MOK: variants seen among roughly 807,000 people sequenced by gnomAD.
MOK encodes the protein MAPK/MAK/MRK overlapping kinase.
Under a neutral mutation model 54.2 loss-of-function variants are expected in MOK, and 59 were observed. The observed-to-expected ratio is 1.09, with a 90% confidence interval of 0.88 to 1.35. MOK has a LOEUF of 1.35. Ranked by LOEUF, MOK falls within the 40% of genes most tolerant of loss-of-function variation. The probability of loss-of-function intolerance (pLI) is 0.00; values close to 1 mark genes in which losing one functional copy is unlikely to be tolerated. For synonymous variants in MOK, 210 were observed against 202.7 expected, an observed-to-expected ratio of 1.04 and a Z score of -0.31; for missense variants, 517 against 526.2, an observed-to-expected ratio of 0.98 and a Z score of 0.17.
chr14:102,302,987 C>T (rs2072410369), intron 1 of MOK, among the ~76,000 whole-genome samples: 1 of 151,328 alleles, frequency 6.6e-6, no homozygotes, highest in Non-Finnish European at 1.5e-5. Context: ...CATGTTGAAA[C>T]CCCGTCTCTA....
intron 2 of MOK, among the ~76,000 whole-genome samples, chr14:102,274,236 T>A (rs2068643622): frequency 6.7e-6 from 1 of 148,506 alleles, no homozygotes; most frequent in Admixed American, 6.8e-5. Flanking sequence ...GGATTACAGG[T>A]GTGAGCCACC....
intron 2 of MOK, among the ~76,000 whole-genome samples, chr14:102,278,142 T>C (rs1199655865): frequency 2.0e-5 from 3 of 152,148 alleles, no homozygotes; most frequent in African/African-American, 7.2e-5. Context: ...ATACCAGACC[T>C]GTCTGCCAGC....
At chr14:102,239,853 C>T (rs1297374589) in intron 7 of MOK, among the ~76,000 whole-genome samples, 2 of 152,060 alleles carry the variant, frequency 1.3e-5, no homozygotes, top group East Asian at 3.9e-4. Context: ...GGCGACAGGG[C>T]AGGACTCTGT....
At position 102,251,739 on chromosome 14, in the gene MOK, C is replaced by T; in HGVS notation, c.411+17G>A. Reference sequence around the variant, plus strand: ...AGCTTTTATTCTGATACCCAGCTTTCATGTAAAAGCTCTTACCTTTATTAG... The same window carrying T: ...AGCTTTTATTCTGATACCCAGCTTTTATGTAAAAGCTCTTACCTTTATTAG... On this transcript the variant is annotated intron_variant, in intron 6 of 11. Transcript: ENST00000361847. The T allele has an allele frequency of 6.5e-7, 1 of 1,548,974 alleles. No homozygotes were observed. Among genetic ancestry groups the T allele is most frequent in the East Asian group, 2.2e-5 (1 of 44,514 alleles).
At position 102,285,513 on chromosome 14, in the gene MOK, C is replaced by T. The variant is rs114561563; in HGVS notation, c.8-1921G>A. On this transcript the variant is annotated intron_variant, in intron 1 of 11. Transcript: ENST00000361847. ...GGTACTCATTTTTCAGAAGTGATAA[C>T]GGTTATGTCAAAACACAAAAAATGT... Among the ~76,000 whole-genome samples the T allele has an allele frequency of 5.5e-3, 833 of 152,274 alleles. 6 individuals are homozygous for T. The highest frequency in any genetic ancestry group is 0.017 in the African/African-American group (719 of 41,558).
intron 2 of MOK, 179 bp downstream of exon 2, chr14:102,283,299 G>A (rs2069666671): frequency 2.1e-6 from 1 of 468,900 alleles, no homozygotes; most frequent in Non-Finnish European, 3.8e-6. Context: ...AGTAAGCCTG[G>A]ATATGAGTAA....
chr14:102,219,577 C>A (rs540678235), downstream of MOK, among the ~76,000 whole-genome samples: 3 of 152,270 alleles, frequency 2.0e-5, no homozygotes, highest in South Asian at 6.2e-4. Context: ...CCGGTTAACT[C>A]CTCTTAGAGA....
chr14:102,219,645 C>T (rs1827282141), downstream of MOK, among the ~76,000 whole-genome samples: 1 of 152,218 alleles, frequency 6.6e-6, no homozygotes, highest in Non-Finnish European at 1.5e-5. Context: ...GGTCAAGCAC[C>T]CTGGGGTCCT....
In MOK at chr14:102,305,042, C is replaced by T; in HGVS notation, c.-74G>A. On this transcript the variant is annotated 5_prime_UTR_variant, in exon 1 of 12. Coordinates refer to ENST00000361847, the MANE Select transcript of MOK (RefSeq NM_014226.3). ...AGAAAGAAGCAGGAAGGTTGTCCCC[C>T]TGCTTTCCACTTCCCTGAGGCGGGG... The T allele has an allele frequency of 1.3e-6, 2 of 1,539,718 alleles. No individual in the cohort carries two copies. The highest frequency in any genetic ancestry group is 1.4e-5 in the African/African-American group (1 of 73,782).
Position 102,257,991 on chromosome 14 carries a change from A to G in MOK, c.283+5555T>C, listed in dbSNP as rs560522464. Among the ~76,000 whole-genome samples the G allele has an allele frequency of 7.0e-3, 1,053 of 151,146 alleles. 18 individuals are homozygous for G. Among genetic ancestry groups the G allele is most frequent in the African/African-American group, 0.024 (1,001 of 40,882 alleles). On this transcript the variant is annotated intron_variant, in intron 4 of 11. Transcript: ENST00000361847. ...ACTCTGTCTCAAAAAAAAAAAAAAA[A>G]GAATACCTGTTTAGAACCACTTATA...
chr14:102,225,843 G>T (rs2064220144), downstream of MOK: 4 of 175,918 alleles, frequency 2.3e-5, no homozygotes. Context: ...GTCAAGGCTG[G>T]TCATGCCCTC....
chr14:102,234,827 T>G (rs1359555056), intron 7 of MOK: 1 of 152,220 alleles, frequency 6.6e-6, no homozygotes, highest in East Asian at 1.9e-4. Flanking sequence ...AGACAACTTT[T>G]GCCACCGCAG....
downstream of MOK, among the ~76,000 whole-genome samples, chr14:102,220,719 C>CAA (rs35097607): frequency 2.7e-5 from 3 of 111,714 alleles, no homozygotes; most frequent in South Asian, 2.9e-4. This position sits in a 1 kb window ranked among gnomAD's most constrained non-coding sequence, Gnocchi z 4.2. Flanking sequence ...GACTCCGTCT[C>CAA]AAAAAAAAAA....
At chr14:102,287,038 A>G (rs942380182) in intron 1 of MOK, among the ~76,000 whole-genome samples, 13 of 152,284 alleles carry the variant, frequency 8.5e-5, no homozygotes, top group African/African-American at 3.1e-4. Context: ...TATTTTCCAC[A>G]ATGTTGTTTT....
intron 2 of MOK, among the ~76,000 whole-genome samples, chr14:102,275,417 A>C (rs576121854): frequency 2.0e-5 from 3 of 152,164 alleles, no homozygotes; most frequent in African/African-American, 7.2e-5. Context: ...ACAAAAAATT[A>C]GCCGGGCGTG....
chr14:102,273,980 CAG>C (rs200018525), intron 2 of MOK, among the ~76,000 whole-genome samples: 2,483 of 151,720 alleles, frequency 0.016, 43 homozygotes, highest in African/African-American at 0.043. Context: ...TTTTTTGAGA[CAG>C]AGTCTCACTC....
Position 102,229,365 on chromosome 14 carries a change from G to T in MOK, c.1184C>A (p.Thr395Lys). Reference protein sequence around the residue: ...PLKCIPASKKTDPQKDLKPAP... With the variant: ...PLKCIPASKKKDPQKDLKPAP... ...AGGCTTAAGGTCCTTCTGCGGATCTGTCTGTCAAAGAAAAATTACAGACAC... is the reference window on the plus strand; with the variant it reads ...AGGCTTAAGGTCCTTCTGCGGATCTTTCTGTCAAAGAAAAATTACAGACAC... The change falls in exon 12 of 12, where the codon ACA becomes AAA. Residue 395 changes from threonine (T) to lysine (K), a missense_variant and splice_region_variant. Coordinates refer to ENST00000361847, the MANE Select transcript of MOK (RefSeq NM_014226.3). 1 of 1,613,986 alleles carries T rather than the reference G, an allele frequency of 6.2e-7. No homozygotes were observed. Among genetic ancestry groups the T allele is most frequent in the Non-Finnish European group, 8.5e-7 (1 of 1,179,844 alleles).
downstream of MOK, among the ~76,000 whole-genome samples, chr14:102,228,219 G>A (rs1167568895): frequency 6.6e-6 from 1 of 152,188 alleles, no homozygotes; most frequent in African/African-American, 2.4e-5. Flanking sequence ...ATACTCCCCA[G>A]AGACAGCTGA....
In MOK at chr14:102,252,397, G is replaced by A. The variant is rs148970348; in HGVS notation, c.284-402C>T. ...TTGAACCCAGGAGGTGGAGGTTGCA[G>A]CAAGCCGAGATGGCACCATTACACT... On this transcript the variant is annotated intron_variant, in intron 4 of 11. Transcript: ENST00000361847. Among the ~76,000 whole-genome samples the A allele has an allele frequency of 4.6e-3, 700 of 151,894 alleles. 6 individuals carry two copies. Among genetic ancestry groups the A allele is most frequent in the African/African-American group, 0.016 (650 of 41,418 alleles).
Sources: allele counts gnomAD v4.1 joint callset (sites outside exome capture counted in the v4.1 genomes callset), GRCh38; gene constraint gnomAD v4.1.1; non-coding constraint Gnocchi (gnomAD v3.1); transcripts MANE v1.5; gene names NCBI Gene and HGNC (gene_info 2026-07-23, HGNC 2026-07-21).